The following NID1 variants were observed in gnomAD, a reference collection of about 807,000 sequenced individuals.
NID1 encodes nidogen 1.
A neutral mutation model predicts 130.6 loss-of-function variants in NID1; 76 were observed. The observed-to-expected ratio is 0.58, with a 90% CI of 0.48 to 0.70. The LOEUF (loss-of-function observed/expected upper bound fraction) is 0.70, where lower values mean the gene tolerates loss of function less well. NID1 is among the 30% of genes least tolerant of loss of function. NID1 has a pLI of 0.00. For synonymous variants in NID1, 665 were observed against 675.1 expected (o/e 0.98, Z 0.23); for missense variants, 1,517 against 1,664.8 (o/e 0.91, Z 1.54).
intron 14 of NID1, 120 bp downstream of exon 14, chr1:235,990,760 ACTACAT>A: frequency 1.4e-6 from 1 of 698,738 alleles, no homozygotes; most frequent in Non-Finnish European, 2.0e-6. Flanking sequence ...GTCACCCAGG[ACTACAT>A]GGAATGAGCA....
intron 7 of NID1, among the ~76,000 whole-genome samples, chr1:236,028,554 G>T (rs1325026766): frequency 1.3e-5 from 2 of 152,088 alleles, no homozygotes; most frequent in Non-Finnish European, 2.9e-5. Context: ...GTGTATCCAT[G>T]TTAAATTTCT....
intron 8 of NID1, 52 bp downstream of exon 8, chr1:236,025,844 G>A: frequency 1.9e-6 from 3 of 1,588,456 alleles, no homozygotes; most frequent in Non-Finnish European, 2.6e-6. Context: ...CAAAGAGTGG[G>A]GTTTTAAAAA....
At chr1:236,021,093 G>A (rs1279267814) in intron 9 of NID1, among the ~76,000 whole-genome samples, 2 of 152,190 alleles carry the variant, frequency 1.3e-5, no homozygotes, top group Non-Finnish European at 1.5e-5. Context: ...CGAAGTTGAA[G>A]CAGAGCTGTG....
chr1:235,984,273 A>G (rs1657514538), intron 15 of NID1, among the ~76,000 whole-genome samples: 1 of 152,230 alleles, frequency 6.6e-6, no homozygotes, highest in South Asian at 2.1e-4. Context: ...CAAAGCATGA[A>G]AACTGGAAGA....
intron 14 of NID1, among the ~76,000 whole-genome samples, chr1:235,986,302 A>C (rs1243330048): frequency 1.3e-5 from 2 of 152,308 alleles, no homozygotes; most frequent in East Asian, 3.9e-4. Flanking sequence ...GTAGAAAGTC[A>C]TGGGGAATCT....
intron 12 of NID1, among the ~76,000 whole-genome samples, chr1:236,002,495 T>G (rs1658103428): frequency 6.9e-6 from 1 of 144,520 alleles, no homozygotes; most frequent in African/African-American, 2.7e-5. Flanking sequence ...AGAGCGAGAC[T>G]CTGTCTAAAA....
intron 11 of NID1, among the ~76,000 whole-genome samples, chr1:236,012,385 T>G (rs890953123): frequency 3.3e-5 from 5 of 151,818 alleles, no homozygotes; most frequent in Non-Finnish European, 7.4e-5. Flanking sequence ...GGTGAAACCC[T>G]GTTTCTACTA....
chr1:236,043,722 C>A (rs560546920), intron 3 of NID1, among the ~76,000 whole-genome samples: 1 of 151,982 alleles, frequency 6.6e-6, no homozygotes, highest in Non-Finnish European at 1.5e-5. Context: ...GGCGTGAACC[C>A]GGGAGGCAGA....
chr1:235,982,181 G>A (rs1657456298), intron 15 of NID1, among the ~76,000 whole-genome samples: 1 of 152,186 alleles, frequency 6.6e-6, no homozygotes, highest in Non-Finnish European at 1.5e-5. Context: ...GCTGGCACCT[G>A]AAGGACCAAT....
chr1:235,994,229 C>T (rs1188875198), intron 12 of NID1, among the ~76,000 whole-genome samples: 2 of 152,198 alleles, frequency 1.3e-5, no homozygotes, highest in Admixed American at 6.5e-5. Flanking sequence ...GTGGCACGAT[C>T]TCGGCTCACT....
At chr1:236,021,848 C>A (rs1247805105) in intron 9 of NID1, among the ~76,000 whole-genome samples, 1 of 152,166 alleles carries the variant, frequency 6.6e-6, no homozygotes, top group East Asian at 1.9e-4. Flanking sequence ...AATTTAGTAA[C>A]AAACAAATAT....
chr1:236,038,252 A>G lies in NID1; in HGVS notation c.1137T>C (p.Val379=), dbSNP rs1659320765. ...GGCGGGAATCCGTGTTATAGCTGAA[A>G]ACTGGTCCAAGAAAACAATTGCACA... ...DVDEVEETGV[V]FSYNTDSRQT... Residue 379 remains valine, a splice_region_variant and synonymous_variant, in exon 5 of 20, where the codon GTT becomes GTC. Transcript: ENST00000264187. 1 of 1,611,802 alleles carries G rather than the reference A, an allele frequency of 6.2e-7. No homozygotes were observed. The highest frequency in any genetic ancestry group is 8.5e-7 in the Non-Finnish European group (1 of 1,178,488).
rs1317521899 is a variant in NID1 at position 236,029,567 on chromosome 1, T to C, written c.1721A>G (p.Tyr574Cys). The C allele has an allele frequency of 6.4e-7, 1 of 1,564,142 alleles. No homozygotes were observed. The highest frequency in any genetic ancestry group is 1.4e-5 in the African/African-American group (1 of 73,908). Reference sequence around the variant, plus strand: ...GGGCTCACCTGAGGTGGAGTAGTGGTACAGCTCCGTGTAGGGCTCAATGTG... The same window carrying C: ...GGGCTCACCTGAGGTGGAGTAGTGGCACAGCTCCGTGTAGGGCTCAATGTG... ...SVHIEPYTEL[Y>C]HYSTSVITSS... The change falls in exon 7 of 20, where the codon TAC becomes TGC. Residue 574 changes from tyrosine (Y) to cysteine (C), a missense_variant. This residue lies in a region of NID1 where 1,329 missense variants were observed against 1,429.2 expected (regional missense o/e 0.93). Transcript: ENST00000264187.
intron 2 of NID1, among the ~76,000 whole-genome samples, chr1:236,046,021 T>C (rs1241370760): frequency 6.6e-6 from 1 of 152,236 alleles, no homozygotes; most frequent in Non-Finnish European, 1.5e-5. Flanking sequence ...CCAAAGACTT[T>C]GTTTCCATGG....
At chr1:236,059,639 A>G (rs1233946523) in intron 1 of NID1, among the ~76,000 whole-genome samples, 1 of 152,220 alleles carries the variant, frequency 6.6e-6, no homozygotes, top group Non-Finnish European at 1.5e-5. Flanking sequence ...CTCTGGCATG[A>G]AATAGAAATA....
At chr1:236,042,511 T>G (rs1213762116) in intron 3 of NID1, among the ~76,000 whole-genome samples, 1 of 152,160 alleles carries the variant, frequency 6.6e-6, no homozygotes. Flanking sequence ...GGCACAATAC[T>G]AGCACAAGCT....
rs1360821202 is a variant in NID1 at position 235,976,958 on chromosome 1, A to G, written c.*909T>C. ...ATAGGTCTCCGTGAAAAGGAGGGAC[A>G]TCAGTGCAAGCAGTGGGGCTAAAGA... On this transcript the variant is annotated 3_prime_UTR_variant, in exon 20 of 20. Coordinates refer to ENST00000264187, the MANE Select transcript of NID1 (RefSeq NM_002508.3). The G allele has an allele frequency of 6.6e-6, 1 of 152,178 alleles. No homozygotes were observed. The highest frequency in any genetic ancestry group is 6.5e-5 in the Admixed American group (1 of 15,284). The allele number at this position is 152,178 out of a possible 1,614,324, so 9.4% of individuals were successfully genotyped here.
At chr1:235,984,586 C>T (rs375275690) in intron 15 of NID1, among the ~76,000 whole-genome samples, 5 of 152,144 alleles carry the variant, frequency 3.3e-5, no homozygotes, top group African/African-American at 7.2e-5. Flanking sequence ...TTGCAGAGAA[C>T]GCAAGGTGAC....
chr1:236,011,875 T>C (rs773597895), intron 12 of NID1, 46 bp downstream of exon 12: 3 of 1,608,342 alleles, frequency 1.9e-6, no homozygotes, highest in Non-Finnish European at 2.5e-6. Context: ...TCTGCATTCA[T>C]GGACAGGGCA....
Sources: allele counts gnomAD v4.1 joint callset (sites outside exome capture counted in the v4.1 genomes callset), GRCh38; gene constraint gnomAD v4.1.1; regional missense constraint gnomAD v4.1.1; transcripts MANE v1.5; gene names NCBI Gene and HGNC (gene_info 2026-07-23, HGNC 2026-07-21).